The following COX16 variants were observed in gnomAD, a reference collection of about 807,000 sequenced individuals.
The protein encoded by COX16 is cytochrome c oxidase assembly protein COX16 homolog, mitochondrial.
COX16 carries 12 observed loss-of-function variants against 15.4 expected under a neutral mutation model. The ratio of observed to expected loss-of-function variants is 0.78; its 90% CI spans 0.50 to 1.26. The LOEUF is 1.26. Among genes scored for constraint, COX16 ranks in the 50% most tolerant of loss-of-function variants. The probability of loss-of-function intolerance (pLI) is 0.00; values close to 1 mark genes in which losing one functional copy is unlikely to be tolerated. For synonymous variants in COX16, 46 were observed against 41.1 expected, an observed-to-expected ratio of 1.12 and a Z score of -0.46; for missense variants, 124 against 127.6, an observed-to-expected ratio of 0.97 and a Z score of 0.14.
chr14:70,350,730 CTAA>C (rs1886930064), intron 1 of COX16, among the ~76,000 whole-genome samples: 1 of 152,140 alleles, frequency 6.6e-6, no homozygotes, highest in South Asian at 2.1e-4. Flanking sequence ...TCATTTTCCC[CTAA>C]TAAGAAATAT....
intron 2 of COX16, among the ~76,000 whole-genome samples, chr14:70,333,557 T>C (rs1886356676): frequency 6.6e-6 from 1 of 151,778 alleles, no homozygotes; most frequent in Non-Finnish European, 1.5e-5. Flanking sequence ...GGAAAAAGAA[T>C]GAAAGTAATA....
intron 1 of COX16, among the ~76,000 whole-genome samples, chr14:70,353,841 T>A (rs1887044786): frequency 6.6e-6 from 1 of 152,058 alleles, no homozygotes; most frequent in African/African-American, 2.4e-5. Context: ...ATAAATATAT[T>A]TATATACCAA....
In COX16 at chr14:70,359,672, G is replaced by C; in HGVS notation, c.-85C>G. 1 of 1,199,668 alleles carries C rather than the reference G, an allele frequency of 8.3e-7. No individual in the cohort carries two copies. Among genetic ancestry groups the C allele is most frequent in the Non-Finnish European group, 1.2e-6 (1 of 810,154 alleles). The allele number at this position is 1,199,668 out of a possible 1,614,324, so 74.3% of individuals were successfully genotyped here. ...CAGCAGCTCACGCTCTCACCAAGAC[G>C]AGTACGTCCTTAACTCACTTCCTTT... On this transcript the variant is annotated 5_prime_UTR_variant, in exon 1 of 4. Transcript: ENST00000389912.
At chr14:70,346,087 A>G (rs747764645) in intron 1 of COX16, among the ~76,000 whole-genome samples, 4 of 151,716 alleles carry the variant, frequency 2.6e-5, no homozygotes, top group African/African-American at 4.8e-5. Flanking sequence ...GCCCCTGCCT[A>G]TCCTCCACTG....
chr14:70,330,472 T>G (rs1253817296), intron 2 of COX16, among the ~76,000 whole-genome samples: 2 of 152,214 alleles, frequency 1.3e-5, no homozygotes, highest in Non-Finnish European at 2.9e-5. Flanking sequence ...ACAAACACTC[T>G]GTATGAATTA....
intron 3 of COX16, among the ~76,000 whole-genome samples, chr14:70,327,501 G>A (rs1181581449): frequency 6.6e-6 from 1 of 151,650 alleles, no homozygotes; most frequent in Non-Finnish European, 1.5e-5. Context: ...TTTAATCAAT[G>A]GGAAAGTAGT....
At chr14:70,327,309 T>C (rs1594904539) in intron 3 of COX16, among the ~76,000 whole-genome samples, 1 of 151,884 alleles carries the variant, frequency 6.6e-6, no homozygotes, top group South Asian at 2.1e-4. Flanking sequence ...GCATTAACTC[T>C]CTCATAAGTA....
At chr14:70,333,267 T>C (rs1383701024) in intron 2 of COX16, among the ~76,000 whole-genome samples, 1 of 152,180 alleles carries the variant, frequency 6.6e-6, no homozygotes, top group Admixed American at 6.5e-5. Context: ...ATGATGGAGA[T>C]GTGTAATCTT....
intron 1 of COX16, among the ~76,000 whole-genome samples, chr14:70,352,556 T>C (rs995394430): frequency 2.5e-4 from 37 of 147,002 alleles, no homozygotes; most frequent in African/African-American, 8.9e-4. Context: ...TATAATTATA[T>C]ATATGTAAAC....
chr14:70,338,508 T>C (rs1396744076), intron 2 of COX16, among the ~76,000 whole-genome samples: 1 of 152,206 alleles, frequency 6.6e-6, no homozygotes, highest in Non-Finnish European at 1.5e-5. Flanking sequence ...AGCATTGATA[T>C]ACTATAGAAA....
chr14:70,342,790 T>G, intron 1 of COX16, 61 bp from the exon 2 acceptor site: 1 of 1,571,546 alleles, frequency 6.4e-7, no homozygotes, highest in Non-Finnish European at 8.6e-7. Flanking sequence ...ATTCAGCCTA[T>G]CTATAGATTG....
At chr14:70,337,913 A>C (rs1271747437) in intron 2 of COX16, among the ~76,000 whole-genome samples, 4 of 152,242 alleles carry the variant, frequency 2.6e-5, no homozygotes, top group Non-Finnish European at 5.9e-5. Flanking sequence ...AAAGTACAAA[A>C]AAAAAATGAG....
intron 1 of COX16, among the ~76,000 whole-genome samples, chr14:70,349,324 A>G (rs533731995): frequency 5.6e-4 from 85 of 152,226 alleles, no homozygotes; most frequent in Non-Finnish European, 1.0e-3. Flanking sequence ...CATGCCGCCC[A>G]ATAAACAGCT....
intron 3 of COX16, 33 bp from the exon 4 acceptor site, chr14:70,326,482 T>C: frequency 2.0e-6 from 3 of 1,526,184 alleles, no homozygotes; most frequent in South Asian, 1.3e-5. Flanking sequence ...AGTATAAATA[T>C]TAGTATAAGA....
At position 70,342,531 on chromosome 14, in the gene COX16, A is replaced by T; in HGVS notation, c.141+127T>A. ...CTAATGTTATTTTAAAGAAAAAAAC[A>T]AAGATCACATCTTAGTGTTGAAAAG... On this transcript the variant is annotated intron_variant, in intron 2 of 3. Transcript: ENST00000389912. 4 of 822,496 alleles carry T rather than the reference A, an allele frequency of 4.9e-6. No homozygotes were observed. The East Asian group carries it at 8.9e-5, about 18-fold the overall frequency. 50.9% of individuals were successfully genotyped at this position (822,496 alleles called of 1,614,324 possible). A position where few individuals can be genotyped will look rare whatever the true frequency, so the allele number is the denominator to read the frequency against.
chr14:70,351,676 C>T (rs1886960925), intron 1 of COX16, among the ~76,000 whole-genome samples: 1 of 152,004 alleles, frequency 6.6e-6, no homozygotes, highest in Admixed American at 6.6e-5. Context: ...TTGTATGCAG[C>T]TATAGTTAAT....
rs184802547 is a variant in COX16, at chr14:70,342,648, T to C, written c.141+10A>G. 280 of 1,608,676 alleles carry C rather than the reference T, an allele frequency of 1.7e-4. 1 individual carries two copies. Among genetic ancestry groups the C allele is most frequent in the African/African-American group, 9.9e-4 (74 of 74,578 alleles). On this transcript the variant is annotated intron_variant, in intron 2 of 3. Coordinates refer to ENST00000389912, the MANE Select transcript of COX16 (RefSeq NM_016468.7). ...ACAGACACATGTCAAACTCTAATTA[T>C]ATTTCTTACTTTACTCTTCACAGCA...
At chr14:70,339,325 T>C (rs1886554214) in intron 2 of COX16, among the ~76,000 whole-genome samples, 1 of 152,184 alleles carries the variant, frequency 6.6e-6, no homozygotes, top group South Asian at 2.1e-4. Flanking sequence ...ACTTGAAAGC[T>C]GTTGCTTCCA....
chr14:70,353,021 G>C (rs1566606251), intron 1 of COX16, among the ~76,000 whole-genome samples: 1 of 152,050 alleles, frequency 6.6e-6, no homozygotes. Context: ...CCAGCACTTT[G>C]GGAGGCCAAG....
Sources: allele counts gnomAD v4.1 joint callset (sites outside exome capture counted in the v4.1 genomes callset), GRCh38; gene constraint gnomAD v4.1.1; transcripts MANE v1.5; gene names NCBI Gene and HGNC (gene_info 2026-07-23, HGNC 2026-07-21).